Variants in EEA1 observed in about 807,000 individuals in gnomAD.
EEA1 encodes early endosome antigen 1, 162kD.
EEA1 carries 111 observed loss-of-function variants against 209.2 expected under a neutral mutation model. The observed-to-expected ratio is 0.53, with a 90% confidence interval of 0.45 to 0.62. The LOEUF is 0.62. Ranked by LOEUF, EEA1 falls within the 20% of genes least tolerant of loss-of-function variation. The pLI is 0.00. For synonymous variants in EEA1, 536 were observed against 540.6 expected (o/e 0.99, Z 0.12); for missense variants, 1,343 against 1,530.8 (o/e 0.88, Z 2.05).
At chr12:92,863,002 G>A (rs1248150587) in intron 3 of EEA1, among the ~76,000 whole-genome samples, 1 of 152,200 alleles carries the variant, frequency 6.6e-6, no homozygotes, top group Middle Eastern at 3.2e-3. Context: ...GGCAAGTTGG[G>A]AGATAATTCT....
chr12:92,828,619 C>A (rs1451875844), intron 11 of EEA1, among the ~76,000 whole-genome samples: 1 of 146,076 alleles, frequency 6.8e-6, no homozygotes, highest in African/African-American at 2.5e-5. Flanking sequence ...ATATATATAT[C>A]ATATATATAT....
At chr12:92,858,381 T>C in intron 3 of EEA1, 1 of 1,064,066 alleles carries the variant, frequency 9.4e-7, no homozygotes, top group South Asian at 1.3e-5. Flanking sequence ...AGGGTTTGAC[T>C]ACAAGACTTG....
intron 2 of EEA1, among the ~76,000 whole-genome samples, chr12:92,884,960 A>ATTTTT (rs3064991): frequency 6.9e-6 from 1 of 144,692 alleles, no homozygotes; most frequent in Non-Finnish European, 1.5e-5. Flanking sequence ...TTCAATGTAG[A>ATTTTT]TTTTTTTTTT....
intron 21 of EEA1, among the ~76,000 whole-genome samples, chr12:92,791,332 T>C (rs1034120032): frequency 2.6e-5 from 4 of 151,974 alleles, no homozygotes; most frequent in African/African-American, 7.3e-5. Flanking sequence ...GACTGGCAAA[T>C]TGGATAAAGA....
Position 92,831,650 on chromosome 12 carries a change from T to A in EEA1, c.1254+862A>T, listed in dbSNP as rs1162465419. On this transcript the variant is annotated intron_variant, in intron 11 of 28. Coordinates refer to ENST00000322349, the MANE Select transcript of EEA1 (RefSeq NM_003566.4). Reference sequence around the variant, plus strand: ...ATTTCATAAATATATAAATATATAATATATAGTTCATATATATATAATTCA... The same window carrying A: ...ATTTCATAAATATATAAATATATAAAATATAGTTCATATATATATAATTCA... Among the ~76,000 whole-genome samples, 6 of 147,632 alleles carry A rather than the reference T, an allele frequency of 4.1e-5. No homozygotes were observed. In the East Asian group the frequency reaches 9.7e-4, roughly 24 times the overall value.
At chr12:92,824,074 T>C (rs1876184133) in intron 13 of EEA1, among the ~76,000 whole-genome samples, 1 of 152,180 alleles carries the variant, frequency 6.6e-6, no homozygotes, top group Non-Finnish European at 1.5e-5. Context: ...CTAATCAAGG[T>C]CATCAATGAC....
chr12:92,846,754 A>G (rs1396519184), intron 9 of EEA1, among the ~76,000 whole-genome samples: 1 of 152,242 alleles, frequency 6.6e-6, no homozygotes, highest in Non-Finnish European at 1.5e-5. Flanking sequence ...AAAGAAGTCA[A>G]TGAATTCATA....
rs2136650517 is a variant in EEA1, at chr12:92,781,930, A to G, written c.3336+20T>C. On this transcript the variant is annotated intron_variant, in intron 23 of 28. Coordinates refer to ENST00000322349, the MANE Select transcript of EEA1 (RefSeq NM_003566.4). ...ACTGTAACTCTAAGATTGTAGATTT[A>G]GGTCAGAAACATGCAATACCTTTTC... 6.3e-7 allele frequency: 1 copy of G among 1,584,428 alleles called. No homozygotes were observed. Among genetic ancestry groups the G allele is most frequent in the Non-Finnish European group, 8.6e-7 (1 of 1,161,384 alleles).
chr12:92,847,821 A>G (rs1877445819), intron 9 of EEA1, among the ~76,000 whole-genome samples: 1 of 152,180 alleles, frequency 6.6e-6, no homozygotes, highest in African/African-American at 2.4e-5. Context: ...TGTAAAACAT[A>G]CTTAATAGTT....
chr12:92,799,093 G>T lies in EEA1; in HGVS notation c.2773-7C>A. The T allele has an allele frequency of 6.7e-7, 1 of 1,500,424 alleles. No homozygotes were observed. Among genetic ancestry groups the T allele is most frequent in the South Asian group, 1.3e-5 (1 of 75,646 alleles). 92.9% of individuals were successfully genotyped at this position (1,500,424 alleles called of 1,614,324 possible). A position where few individuals can be genotyped will look rare whatever the true frequency, so the allele number is the denominator to read the frequency against. ...ATTTCAACTGATGAGAAGCCTGAAA[G>T]AAAAAAAAAATCTATTTAGCCTTCA... On this transcript the variant is annotated splice_region_variant and splice_polypyrimidine_tract_variant and intron_variant, in intron 20 of 28. Transcript: ENST00000322349.
intron 2 of EEA1, among the ~76,000 whole-genome samples, chr12:92,888,717 G>T (rs1879521691): frequency 6.6e-6 from 1 of 151,996 alleles, no homozygotes; most frequent in South Asian, 2.1e-4. Flanking sequence ...TCTAATTTGT[G>T]AAGATAAAAG....
intron 10 of EEA1, among the ~76,000 whole-genome samples, chr12:92,840,391 C>A (rs1464453134): frequency 2.0e-5 from 3 of 152,324 alleles, no homozygotes; most frequent in East Asian, 1.9e-4. Flanking sequence ...CGGCTCACTG[C>A]AATTTCTGCC....
rs907517047 is a variant in EEA1 at position 92,788,030 on chromosome 12, A to G, written c.2987T>C (p.Leu996Pro). 6.2e-7 allele frequency: 1 copy of G among 1,603,922 alleles called. No homozygotes were observed. Among genetic ancestry groups the G allele is most frequent in the Non-Finnish European group, 8.5e-7 (1 of 1,175,966 alleles). Residue 996 changes from leucine to proline, a missense_variant, in exon 22 of 29, where the codon CTA becomes CCA. By Grantham distance (98) the Leu-to-Pro change is moderately conservative. Coordinates refer to ENST00000322349, the MANE Select transcript of EEA1 (RefSeq NM_003566.4). ...VLQKTELENK[L>P]QQQLTQAAQE... is the part of the protein sequence containing the mutation. ...GGCTGCCTGTGTTAACTGCTGCTGTAGTTTATTCTCAAGCTCTGTCTGAAA... is the reference window on the plus strand; with the variant it reads ...GGCTGCCTGTGTTAACTGCTGCTGTGGTTTATTCTCAAGCTCTGTCTGAAA...
chr12:92,896,914 T>C (rs1440855311), intron 1 of EEA1, among the ~76,000 whole-genome samples: 1 of 152,158 alleles, frequency 6.6e-6, no homozygotes, highest in Non-Finnish European at 1.5e-5. Context: ...ATGGCCCACA[T>C]TTGTAATCCT....
chr12:92,827,366 A>T (rs1303652454), intron 12 of EEA1, among the ~76,000 whole-genome samples: 1 of 152,086 alleles, frequency 6.6e-6, no homozygotes, highest in African/African-American at 2.4e-5. Flanking sequence ...AAACAAATAA[A>T]ATTAAATTAA....
At chr12:92,928,232 A>T (rs1881284087) in intron 1 of EEA1, among the ~76,000 whole-genome samples, 1 of 152,062 alleles carries the variant, frequency 6.6e-6, no homozygotes, top group Non-Finnish European at 1.5e-5. Flanking sequence ...GAATTATGTT[A>T]TTCTAGTAAC....
intron 9 of EEA1, among the ~76,000 whole-genome samples, chr12:92,850,037 T>C (rs1474440187): frequency 6.6e-6 from 1 of 152,188 alleles, no homozygotes; most frequent in Non-Finnish European, 1.5e-5. Context: ...TGACATATTA[T>C]ACAAGGGATT....
chr12:92,850,390 A>C (rs1877561734), intron 9 of EEA1, among the ~76,000 whole-genome samples: 1 of 152,154 alleles, frequency 6.6e-6, no homozygotes, highest in African/African-American at 2.4e-5. Context: ...AAAGTCCATC[A>C]ATTAGAAATA....
chr12:92,920,807 A>G (rs1408889708), intron 1 of EEA1, among the ~76,000 whole-genome samples: 118 of 150,762 alleles, frequency 7.8e-4, no homozygotes, highest in Middle Eastern at 7.0e-3. Flanking sequence ...CAGAGTGAAC[A>G]GGCAACCTAC....
Sources: gnomAD v4.1 joint callset for allele counts (sites outside exome capture counted in the v4.1 genomes callset) on GRCh38, gnomAD v4.1.1 for gene constraint, MANE v1.5 for transcripts, NCBI Gene and HGNC (gene_info 2026-07-23, HGNC 2026-07-21) for gene names.